Variants in KDM4C observed in about 807,000 individuals in gnomAD.
KDM4C encodes the protein lysine demethylase 4C.
A neutral mutation model predicts 129.3 loss-of-function variants in KDM4C; 81 were observed. That is an observed-to-expected ratio of 0.63 (90% CI 0.52 to 0.75). The LOEUF is 0.75. KDM4C is among the 30% of genes least tolerant of loss of function. The probability of loss-of-function intolerance (pLI) is 0.00; values close to 1 mark genes in which losing one functional copy is unlikely to be tolerated. For synonymous variants in KDM4C, 573 were observed against 456.1 expected, an observed-to-expected ratio of 1.26 and a Z score of -3.26; for missense variants, 1,457 against 1,304.0, an observed-to-expected ratio of 1.12 and a Z score of -1.81.
At chr9:6,785,430 G>A (rs1037242877) in intron 1 of KDM4C, among the ~76,000 whole-genome samples, 20 of 151,680 alleles carry the variant, frequency 1.3e-4, no homozygotes, top group Admixed American at 3.3e-4. Flanking sequence ...TCTGCCTCCC[G>A]GGTTCAAGCG....
chr9:7,170,601 A>G lies in KDM4C; in HGVS notation c.2994+711A>G. 3 of 952,868 alleles carry G rather than the reference A, an allele frequency of 3.1e-6. No homozygotes were observed. In the South Asian group the frequency reaches 1.5e-4, roughly 46 times the overall value. The allele number at this position is 952,868 out of a possible 1,614,324, so 59.0% of individuals were successfully genotyped here. A position where few individuals can be genotyped will look rare whatever the true frequency, so the allele number is the denominator to read the frequency against. On this transcript the variant is annotated intron_variant, in intron 21 of 21. Transcript: ENST00000381309. ...CATAAAATATTCAGTGGACCCTGAA[A>G]TGAAGTCAGTTTTATTCATTTAGAA...
intron 3 of KDM4C, among the ~76,000 whole-genome samples, chr9:6,807,958 G>T (rs1384187485): frequency 8.7e-6 from 1 of 114,484 alleles, no homozygotes; most frequent in African/African-American, 3.5e-5. Context: ...TCAGCCCCCC[G>T]CCCGGCCAGC....
intron 6 of KDM4C, among the ~76,000 whole-genome samples, chr9:6,882,663 C>T (rs1198028179): frequency 6.6e-6 from 1 of 152,038 alleles, no homozygotes; most frequent in Non-Finnish European, 1.5e-5. Context: ...CTTATATTTA[C>T]TTGAAACAAA....
At position 6,973,244 on chromosome 9, in the gene KDM4C, T is replaced by C. The variant is rs145571389; in HGVS notation, c.922-7681T>C. Among the ~76,000 whole-genome samples, 618 of 152,370 alleles carry C rather than the reference T, an allele frequency of 4.1e-3. 4 individuals are homozygous for C. The highest frequency in any genetic ancestry group is 0.014 in the African/African-American group (565 of 41,586). On this transcript the variant is annotated intron_variant, in intron 8 of 21. Transcript: ENST00000381309. ...TCTCCCCAGATATGGGGTCTTGCTG[T>C]GTTGCCCAGGCTGCTCTTGAACTTC... is the stretch of plus-strand genomic sequence containing the variant.
chr9:6,893,376 G>GAT (rs1460404673), intron 8 of KDM4C, 144 bp downstream of exon 8: 15 of 517,518 alleles, frequency 2.9e-5, no homozygotes, highest in Admixed American at 2.3e-4. Flanking sequence ...CTTCAGGCTC[G>GAT]ATACATTTAT....
chr9:6,740,121 C>T (rs1360521551), intron 1 of KDM4C, among the ~76,000 whole-genome samples: 1 of 152,064 alleles, frequency 6.6e-6, no homozygotes, highest in Admixed American at 6.6e-5. Context: ...ATCTCTTGAC[C>T]TCAGGTGATC....
intron 8 of KDM4C, among the ~76,000 whole-genome samples, chr9:6,953,684 T>C (rs527608044): frequency 5.3e-5 from 8 of 152,374 alleles, no homozygotes; most frequent in African/African-American, 1.4e-4. Flanking sequence ...TCCTCAGATA[T>C]GATTTGTGAC....
chr9:6,817,030 A>T (rs935086083), intron 4 of KDM4C, among the ~76,000 whole-genome samples: 6 of 152,110 alleles, frequency 3.9e-5, no homozygotes, highest in Admixed American at 2.0e-4. Flanking sequence ...TAGAATTGTC[A>T]TATTGGATGG....
At chr9:6,938,616 T>G (rs1165036349) in intron 8 of KDM4C, among the ~76,000 whole-genome samples, 1 of 152,202 alleles carries the variant, frequency 6.6e-6, no homozygotes, top group East Asian at 1.9e-4. Flanking sequence ...TCCCTGATTT[T>G]TATAGCTTCC....
chr9:6,865,303 C>T (rs1038914436), intron 5 of KDM4C, among the ~76,000 whole-genome samples: 1 of 152,140 alleles, frequency 6.6e-6, no homozygotes, highest in African/African-American at 2.4e-5. Context: ...CCAAAGTGCC[C>T]CGTCTTTGTT....
At chr9:6,787,430 G>C (rs1170674478) in intron 1 of KDM4C, among the ~76,000 whole-genome samples, 1 of 152,268 alleles carries the variant, frequency 6.6e-6, no homozygotes, top group East Asian at 1.9e-4. Context: ...ACAGGGTTTT[G>C]CCATGTTGGC....
intron 1 of KDM4C, among the ~76,000 whole-genome samples, chr9:6,770,900 A>G (rs199920487): frequency 6.7e-6 from 1 of 148,740 alleles, no homozygotes; most frequent in Non-Finnish European, 1.5e-5. Context: ...CTCAGCCTCC[A>G]GAGTAGCTGG....
intron 2 of KDM4C, among the ~76,000 whole-genome samples, chr9:6,799,551 C>A (rs760636868): frequency 7.8e-6 from 1 of 127,464 alleles, no homozygotes; most frequent in East Asian, 1.9e-4. Context: ...AGAGGGAGAC[C>A]GTGGAAAGGG....
chr9:7,155,378 T>A (rs1438927823), intron 19 of KDM4C, among the ~76,000 whole-genome samples: 2 of 152,318 alleles, frequency 1.3e-5, no homozygotes, highest in East Asian at 3.9e-4. Context: ...TAAATTATAC[T>A]TTAAGTTCTA....
In KDM4C at chr9:6,758,245, G is replaced by A. The variant is rs539388549; in HGVS notation, c.-18+42G>A. 19 of 971,826 alleles carry A rather than the reference G, an allele frequency of 2.0e-5. No individual in the cohort carries two copies. The East Asian group carries it at 1.3e-3, about 64-fold the overall frequency. 60.2% of individuals were successfully genotyped at this position (971,826 alleles called of 1,614,324 possible). On this transcript the variant is annotated intron_variant, in intron 1 of 21. Coordinates refer to ENST00000381309, the MANE Select transcript of KDM4C (RefSeq NM_015061.6). This position sits in a 1 kb window ranked among gnomAD's most constrained non-coding sequence, Gnocchi z 4.6. Reference sequence around the variant, plus strand: ...AGTCTGGGGGCCAGGGCGGGGGGAGGGTCCGGAGAGGTCTTCCCGGCACTG... The same window carrying A: ...AGTCTGGGGGCCAGGGCGGGGGGAGAGTCCGGAGAGGTCTTCCCGGCACTG...
At chr9:6,761,066 A>G (rs1484251777) in intron 1 of KDM4C, among the ~76,000 whole-genome samples, 3 of 145,662 alleles carry the variant, frequency 2.1e-5, no homozygotes, top group East Asian at 2.0e-4. Flanking sequence ...CTCTGTGCCA[A>G]TGGCGCGATC....
chr9:7,062,805 C>CCG (rs1394881530), intron 17 of KDM4C, among the ~76,000 whole-genome samples: 9 of 152,102 alleles, frequency 5.9e-5, no homozygotes, highest in Admixed American at 4.6e-4. Context: ...CCCAGAAATT[C>CCG]CATGAAGTGA....
rs578099672 is a variant in KDM4C at position 6,981,756 on chromosome 9, T to G, written c.1115+638T>G. The G allele has an allele frequency of 8.6e-4, 161 of 187,822 alleles. 1 individual carries two copies. The highest frequency in any genetic ancestry group is 3.7e-3 in the African/African-American group (156 of 42,248). The allele number at this position is 187,822 out of a possible 1,614,324, so 11.6% of individuals were successfully genotyped here. A position where few individuals can be genotyped will look rare whatever the true frequency, so the allele number is the denominator to read the frequency against. On this transcript the variant is annotated intron_variant, in intron 9 of 21. Coordinates refer to ENST00000381309, the MANE Select transcript of KDM4C (RefSeq NM_015061.6). Reference sequence around the variant, plus strand: ...TAGGGTGTGTGTGGTGTTGCTCAGGTCCTTAGGCTACCTTTTAAGGGTCTT... The same window carrying G: ...TAGGGTGTGTGTGGTGTTGCTCAGGGCCTTAGGCTACCTTTTAAGGGTCTT...
chr9:7,068,216 A>T (rs937380354), intron 17 of KDM4C, among the ~76,000 whole-genome samples: 5 of 152,216 alleles, frequency 3.3e-5, no homozygotes, highest in Non-Finnish European at 5.9e-5. Context: ...TGACACATAT[A>T]TGTGAATCTG....
Sources: allele counts gnomAD v4.1 joint callset (sites outside exome capture counted in the v4.1 genomes callset), GRCh38; gene constraint gnomAD v4.1.1; non-coding constraint Gnocchi (gnomAD v3.1); transcripts MANE v1.5; gene names NCBI Gene and HGNC (gene_info 2026-07-23, HGNC 2026-07-21).